MYOM2: variants seen among roughly 807,000 people sequenced by gnomAD.
MYOM2 encodes the protein myomesin-2.
MYOM2 carries 254 observed loss-of-function variants against 187.6 expected under a neutral mutation model. The ratio of observed to expected loss-of-function variants is 1.35; its 90% CI spans 1.22 to 1.50. The LOEUF (loss-of-function observed/expected upper bound fraction) is 1.50, where lower values mean the gene tolerates loss of function less well. Ranked by LOEUF, MYOM2 falls within the 40% of genes most tolerant of loss-of-function variation. The pLI, the probability that MYOM2 is intolerant of heterozygous loss-of-function variation, is 0.00. For missense variants in MYOM2, 2,796 were observed against 1,924.0 expected, an observed-to-expected ratio of 1.45 and a Z score of -8.48; for synonymous variants, 981 against 753.8, an observed-to-expected ratio of 1.30 and a Z score of -4.94.
chr8:2,103,522 AT>A lies in MYOM2; in HGVS notation c.2734+743del, dbSNP rs1341193306. Among the ~76,000 whole-genome samples the A allele has an allele frequency of 9.7e-5, 14 of 144,156 alleles. No individual in the cohort carries two copies. The East Asian group carries it at 3.2e-3, about 33-fold the overall frequency. The allele number at this position is 144,156 out of a possible 152,430, so 94.6% of individuals were successfully genotyped here. A position where few individuals can be genotyped will look rare whatever the true frequency, so the allele number is the denominator to read the frequency against. ...TAAATGAGTGGGAGAGTGTGCATGT[AT>A]TCTGTGTATATGTGTATGTATGGAT... On this transcript the variant is annotated intron_variant, in intron 21 of 36. Transcript: ENST00000262113.
chr8:2,125,490 A>C (rs766252574), intron 31 of MYOM2, among the ~76,000 whole-genome samples: 35 of 151,966 alleles, frequency 2.3e-4, no homozygotes, highest in Non-Finnish European at 4.7e-4. Context: ...GGTTTCTGTA[A>C]CTATATATTT....
intron 25 of MYOM2, among the ~76,000 whole-genome samples, chr8:2,111,482 A>C (rs912626190): frequency 2.6e-5 from 4 of 152,244 alleles, no homozygotes; most frequent in African/African-American, 9.6e-5. Flanking sequence ...CAGTTAAAGT[A>C]AGTTCCTATC....
chr8:2,136,683 A>T (rs1019403113), intron 32 of MYOM2, among the ~76,000 whole-genome samples: 10 of 152,340 alleles, frequency 6.6e-5, no homozygotes, highest in African/African-American at 2.2e-4. Flanking sequence ...ATTACACCAA[A>T]GTCAGGAGGC....
chr8:2,129,287 G>T, intron 32 of MYOM2, 55 bp downstream of exon 32: 1 of 1,240,160 alleles, frequency 8.1e-7, no homozygotes, highest in Non-Finnish European at 1.2e-6. Flanking sequence ...TGTCCAGGGC[G>T]CACAGCTGGG....
rs202222648 is a variant in MYOM2 at position 2,112,145 on chromosome 8, A to G, written c.3180+2614A>G. Among the ~76,000 whole-genome samples the G allele has an allele frequency of 2.6e-5, 4 of 152,296 alleles. No homozygotes were observed. The East Asian group carries it at 7.7e-4, about 29-fold the overall frequency. On this transcript the variant is annotated intron_variant, in intron 25 of 36. Transcript: ENST00000262113. ...TCACCTGTTGAATATCCACTTGGCC[A>G]ATACACCAGCAGGGACAGAACAGTC...
In MYOM2 at chr8:2,059,217, T is replaced by G. The variant is rs554380289; in HGVS notation, c.625T>G (p.Tyr209Asp). 1 of 1,614,196 alleles carries G rather than the reference T, an allele frequency of 6.2e-7. No individual in the cohort carries two copies. Among genetic ancestry groups the G allele is most frequent in the South Asian group, 1.1e-5 (1 of 91,088 alleles). Residue 209 changes from tyrosine (Y) to aspartate (D), a missense_variant, in exon 6 of 37, where the codon TAT becomes GAT. By Grantham distance (160) the Tyr-to-Asp change is radical. Transcript: ENST00000262113. Reference protein sequence around the residue: ...EPGKYRIESNYGVHTLEINRA... With the variant: ...EPGKYRIESNDGVHTLEINRA... ...GGGAAAGTACAGGATTGAGAGCAAC[T>G]ATGGCGTACACACACTGGAGATCAA...
chr8:2,144,440 T>C (rs1798383952), intron 36 of MYOM2, among the ~76,000 whole-genome samples: 1 of 152,206 alleles, frequency 6.6e-6, no homozygotes, highest in African/African-American at 2.4e-5. Context: ...ACATGCTCAC[T>C]GATTTTTTTA....
intron 3 of MYOM2, among the ~76,000 whole-genome samples, chr8:2,054,944 C>T (rs1040204864): frequency 9.1e-5 from 13 of 142,156 alleles, no homozygotes; most frequent in African/African-American, 2.8e-4. Flanking sequence ...AATGGGGGAA[C>T]GAAGTACCTG....
intron 6 of MYOM2, among the ~76,000 whole-genome samples, chr8:2,067,321 C>A (rs961728489): frequency 2.0e-5 from 3 of 152,124 alleles, no homozygotes; most frequent in Admixed American, 2.0e-4. Context: ...AAAGTGGGGA[C>A]TTTTTGTGTT....
intron 18 of MYOM2, 22 bp from the exon 19 acceptor site, chr8:2,098,835 A>C: frequency 6.3e-7 from 1 of 1,598,836 alleles, no homozygotes; most frequent in Admixed American, 1.7e-5. Flanking sequence ...CTCATGTATT[A>C]ATTTAAACAA....
chr8:2,062,147 G>A (rs1346329491), intron 6 of MYOM2, among the ~76,000 whole-genome samples: 5 of 152,208 alleles, frequency 3.3e-5, no homozygotes, highest in Non-Finnish European at 5.9e-5. Flanking sequence ...GGGCTGGGGG[G>A]TTGGCAGGGG....
chr8:2,124,101 G>T (rs545200448), intron 30 of MYOM2, 78 bp from the exon 31 acceptor site: 2 of 1,375,732 alleles, frequency 1.5e-6, no homozygotes, highest in East Asian at 2.4e-5. Context: ...TTCCTGCATC[G>T]ATTTAATTAA....
intron 2 of MYOM2, 93 bp downstream of exon 2, chr8:2,050,966 C>T (rs1563411362): frequency 1.0e-6 from 1 of 980,416 alleles, no homozygotes; most frequent in Non-Finnish European, 1.5e-6. Flanking sequence ...CCTGGAGAGG[C>T]ACTGGTTTGC....
intron 33 of MYOM2, 30 bp downstream of exon 33, chr8:2,140,916 A>G (rs886430776): frequency 6.4e-7 from 1 of 1,573,856 alleles, no homozygotes; most frequent in African/African-American, 1.4e-5. Context: ...GCATTTAATA[A>G]TTTCCTATTT....
In MYOM2 at chr8:2,085,430, C is replaced by T. The variant is rs1345875853; in HGVS notation, c.1644+40C>T. ...CGTGTCCTGGAAAAGTAGATCTCTG[C>T]ATGGCCCCCCACTGTCATGATCTCT... On this transcript the variant is annotated intron_variant, in intron 14 of 36. Transcript: ENST00000262113. 114 of 1,563,586 alleles carry T rather than the reference C, an allele frequency of 7.3e-5. 1 individual carries two copies. The South Asian group carries it at 9.5e-4, about 13-fold the overall frequency.
At chr8:2,046,470 C>T (rs186674188) in intron 1 of MYOM2, among the ~76,000 whole-genome samples, 175 of 152,268 alleles carry the variant, frequency 1.1e-3, no homozygotes, top group Non-Finnish European at 2.2e-3. Context: ...GTGGCCCTAC[C>T]GGTGACCCGG....
At chr8:2,060,372 T>C (rs1233286910) in intron 6 of MYOM2, among the ~76,000 whole-genome samples, 1 of 151,956 alleles carries the variant, frequency 6.6e-6, no homozygotes, top group East Asian at 1.9e-4. Flanking sequence ...ACTAAAAGAG[T>C]TACTGTGAGA....
At position 2,085,336 on chromosome 8, in the gene MYOM2, C is replaced by A; in HGVS notation, c.1590C>A (p.Ser530Arg). ...SEISRNYVVL[S>R]WEPPTPRGKD... is the part of the protein sequence containing the mutation. ...TCAGCAGAAACTATGTCGTCCTCAG[C>A]TGGGAGCCACCCACTCCCCGTGGCA... The change falls in exon 14 of 37, where the codon AGC becomes AGA. Residue 530 changes from serine to arginine, a missense_variant. Ser to Arg is a moderately radical substitution (Grantham distance 110). Transcript: ENST00000262113. The A allele has an allele frequency of 3.7e-6, 6 of 1,614,152 alleles. No individual in the cohort carries two copies. Among genetic ancestry groups the A allele is most frequent in the Non-Finnish European group, 5.1e-6 (6 of 1,180,014 alleles).
At chr8:2,106,014 G>T (rs1161759783) in intron 21 of MYOM2, among the ~76,000 whole-genome samples, 1 of 152,168 alleles carries the variant, frequency 6.6e-6, no homozygotes, top group Non-Finnish European at 1.5e-5. Flanking sequence ...GGAATGCCAG[G>T]TGCTTCTAAA....
Sources: gnomAD v4.1 joint callset for allele counts (sites outside exome capture counted in the v4.1 genomes callset) on GRCh38, gnomAD v4.1.1 for gene constraint, MANE v1.5 for transcripts, NCBI Gene and HGNC (gene_info 2026-07-23, HGNC 2026-07-21) for gene names.